PIP5K1B: variants seen among roughly 807,000 people sequenced by gnomAD.
The protein encoded by PIP5K1B is phosphatidylinositol 4-phosphate 5-kinase type-1 beta.
PIP5K1B carries 42 observed loss-of-function variants against 67.0 expected under a neutral mutation model. The observed-to-expected ratio is 0.63, with a 90% confidence interval of 0.49 to 0.81. The LOEUF is 0.81. PIP5K1B is among the 30% of genes least tolerant of loss of function. The probability of loss-of-function intolerance (pLI) is 0.00; values close to 1 mark genes in which losing one functional copy is unlikely to be tolerated. For missense variants in PIP5K1B, 459 were observed against 646.3 expected (o/e 0.71, Z 3.14); for synonymous variants, 214 against 231.4 (o/e 0.92, Z 0.68).
At chr9:68,838,041 T>C (rs978377298) in intron 4 of PIP5K1B, among the ~76,000 whole-genome samples, 8 of 151,946 alleles carry the variant, frequency 5.3e-5, no homozygotes, top group South Asian at 2.1e-4. Context: ...GTGTAACTTA[T>C]GTGGGGTTTT....
chr9:68,869,792 A>G (rs1252427211), intron 5 of PIP5K1B, among the ~76,000 whole-genome samples: 3 of 152,228 alleles, frequency 2.0e-5, no homozygotes, highest in Admixed American at 6.5e-5. Context: ...AGCCTGGGCA[A>G]TATAGTGAGA....
At chr9:68,720,919 A>G (rs1158827349) in intron 1 of PIP5K1B, among the ~76,000 whole-genome samples, 1 of 152,180 alleles carries the variant, frequency 6.6e-6, no homozygotes, top group Non-Finnish European at 1.5e-5. Flanking sequence ...TGTCATCATC[A>G]TTGTTGTCAT....
intron 14 of PIP5K1B, among the ~76,000 whole-genome samples, chr9:68,976,761 T>C (rs1257277722): frequency 6.6e-6 from 1 of 152,228 alleles, no homozygotes. Context: ...ATGGAGTTCA[T>C]GCTCCTTTGA....
chr9:68,782,744 C>G (rs1831367597), intron 2 of PIP5K1B: 1 of 167,092 alleles, frequency 6.0e-6, no homozygotes, highest in African/African-American at 2.4e-5. Context: ...TGTTGAAATT[C>G]AAACTTAAAT....
chr9:68,898,532 A>G (rs942050016), intron 8 of PIP5K1B, among the ~76,000 whole-genome samples: 2 of 152,124 alleles, frequency 1.3e-5, no homozygotes, highest in Admixed American at 6.6e-5. Flanking sequence ...AACCATCCCC[A>G]ATGGCTCCCA....
At chr9:68,823,181 C>T (rs1359076791) in intron 4 of PIP5K1B, among the ~76,000 whole-genome samples, 1 of 152,116 alleles carries the variant, frequency 6.6e-6, no homozygotes, top group South Asian at 2.1e-4. Context: ...AGCTGATTAG[C>T]AACGTTAATT....
At chr9:69,007,184 T>G (rs1541082) in intron 15 of PIP5K1B, among the ~76,000 whole-genome samples, 136,626 of 152,272 alleles carry the variant, frequency 0.9, 61,509 homozygotes, top group Admixed American at 0.92. Context: ...TGCACAATAG[T>G]CTCAGATAAA....
intron 15 of PIP5K1B, among the ~76,000 whole-genome samples, chr9:68,997,524 G>A (rs1830647927): frequency 6.6e-6 from 1 of 152,218 alleles, no homozygotes; most frequent in Non-Finnish European, 1.5e-5. Context: ...ACTGCGTTTG[G>A]TGTAGAAGGC....
chr9:68,903,439 A>G (rs1825460314), intron 8 of PIP5K1B, among the ~76,000 whole-genome samples: 1 of 152,222 alleles, frequency 6.6e-6, no homozygotes, highest in Non-Finnish European at 1.5e-5. Flanking sequence ...AGGTCTGTTA[A>G]AGGCCAGTGA....
chr9:68,796,607 T>C lies in PIP5K1B; in HGVS notation c.-85-21854T>C, dbSNP rs1426320071. Among the ~76,000 whole-genome samples, 5 of 152,340 alleles carry C rather than the reference T, an allele frequency of 3.3e-5. No homozygotes were observed. In the East Asian group the frequency reaches 9.6e-4, roughly 29 times the overall value. ...GATCCAAACTAGAGAGTTTTGATAATGTCATCAGGAAATGATGCTCCGAGG... is the reference window on the plus strand; with the variant it reads ...GATCCAAACTAGAGAGTTTTGATAACGTCATCAGGAAATGATGCTCCGAGG... On this transcript the variant is annotated intron_variant, in intron 2 of 15. Coordinates refer to ENST00000265382, the MANE Select transcript of PIP5K1B (RefSeq NM_003558.4).
chr9:69,001,461 A>G (rs1354826360), intron 15 of PIP5K1B, among the ~76,000 whole-genome samples: 2 of 152,176 alleles, frequency 1.3e-5, no homozygotes, highest in South Asian at 2.1e-4. Flanking sequence ...TCACACTGCT[A>G]TAAACAACTA....
chr9:68,962,208 A>G (rs564657286), intron 14 of PIP5K1B, among the ~76,000 whole-genome samples: 10 of 152,066 alleles, frequency 6.6e-5, no homozygotes, highest in East Asian at 1.9e-4. Flanking sequence ...CTGATTTGGG[A>G]AAAAAAAGAC....
chr9:68,917,457 G>A (rs1279807644), intron 8 of PIP5K1B, 91 bp from the exon 9 acceptor site: 1 of 876,232 alleles, frequency 1.1e-6, no homozygotes, highest in Non-Finnish European at 1.9e-6. Context: ...CAGGAGCTGT[G>A]TGTCTGTATA....
chr9:68,860,644 A>G (rs1364314936), intron 4 of PIP5K1B, among the ~76,000 whole-genome samples: 1 of 152,206 alleles, frequency 6.6e-6, no homozygotes, highest in Non-Finnish European at 1.5e-5. Flanking sequence ...GGCAGCCTGA[A>G]TTTGGCAGTC....
intron 12 of PIP5K1B, among the ~76,000 whole-genome samples, chr9:68,934,565 G>A (rs1827159499): frequency 6.6e-6 from 1 of 152,006 alleles, no homozygotes; most frequent in African/African-American, 2.4e-5. Flanking sequence ...TGGAGAGGGG[G>A]GAATGATTCT....
At chr9:68,820,425 A>G (rs185783578) in intron 3 of PIP5K1B, among the ~76,000 whole-genome samples, 2 of 152,306 alleles carry the variant, frequency 1.3e-5, no homozygotes, top group African/African-American at 4.8e-5. Context: ...GAATTGCAAA[A>G]TTATGTAAGA....
chr9:68,736,340 C>T (rs1258333143), intron 1 of PIP5K1B, among the ~76,000 whole-genome samples: 3 of 152,174 alleles, frequency 2.0e-5, no homozygotes, highest in African/African-American at 7.2e-5. Flanking sequence ...GCATATTTCA[C>T]ATGTAGTAAT....
intron 2 of PIP5K1B, among the ~76,000 whole-genome samples, chr9:68,773,058 T>G (rs1358793354): frequency 6.6e-6 from 1 of 152,208 alleles, no homozygotes; most frequent in Non-Finnish European, 1.5e-5. Context: ...TATGATAATC[T>G]GACTCCAAGT....
chr9:68,732,916 TGGG>T (rs34627705), intron 1 of PIP5K1B, among the ~76,000 whole-genome samples: 6 of 102,016 alleles, frequency 5.9e-5, no homozygotes, highest in African/African-American at 1.5e-4. Flanking sequence ...GGAGGTGGGT[TGGG>T]GGGGGGGCGG....
Sources: allele counts gnomAD v4.1 joint callset (sites outside exome capture counted in the v4.1 genomes callset), GRCh38; gene constraint gnomAD v4.1.1; transcripts MANE v1.5; gene names NCBI Gene and HGNC (gene_info 2026-07-23, HGNC 2026-07-21).